Variants in AP1AR observed in about 807,000 individuals in gnomAD.
AP1AR encodes the protein AP-1 complex-associated regulatory protein.
A neutral mutation model predicts 46.3 loss-of-function variants in AP1AR; 29 were observed. The observed-to-expected ratio is 0.63, with a 90% CI of 0.47 to 0.85. The LOEUF is 0.85. AP1AR is among the 40% of genes least tolerant of loss of function. The pLI, the probability that AP1AR is intolerant of heterozygous loss-of-function variation, is 0.00. For missense variants in AP1AR, 357 were observed against 356.3 expected (o/e 1.00, Z -0.02); for synonymous variants, 122 against 122.9 (o/e 0.99, Z 0.05).
At chr4:112,256,518 A>AT (rs1275279629) in intron 3 of AP1AR, among the ~76,000 whole-genome samples, 5 of 152,052 alleles carry the variant, frequency 3.3e-5, no homozygotes, top group Non-Finnish European at 5.9e-5. Context: ...TTGGCTGAGG[A>AT]TTTTTTAATT....
In AP1AR at chr4:112,263,005, GA is replaced by G; in HGVS notation, c.302del (p.Lys101SerfsTer2). The G allele has an allele frequency of 6.2e-7, 1 of 1,613,728 alleles. No individual in the cohort carries two copies. The highest frequency in any genetic ancestry group is 8.5e-7 in the Non-Finnish European group (1 of 1,179,788). ...IQKELALQEEKLRLEEEALYA... is the reference protein window; with the variant it reads ...IQKELALQEEXLRLEEEALYA... ...ATGTACAGTTAGCCTTACAAGAAGA[GA>G]AGTTAAGACTAGAAGAAGAAGCTTT... On this transcript the variant is annotated frameshift_variant, in exon 6 of 10. Transcript: ENST00000274000. LOFTEE classifies it high-confidence loss of function.
chr4:112,242,451 A>AG (rs1358260583), intron 1 of AP1AR, among the ~76,000 whole-genome samples: 4 of 88,832 alleles, frequency 4.5e-5, no homozygotes, highest in Non-Finnish European at 8.0e-5. Context: ...AATTTATAAA[A>AG]GAAAAAAAAA....
chr4:112,261,851 TCC>T (rs1004599518), intron 5 of AP1AR, among the ~76,000 whole-genome samples: 15 of 151,628 alleles, frequency 9.9e-5, no homozygotes, highest in African/African-American at 3.6e-4. Flanking sequence ...GCACCTATAG[TCC>T]CAGCTACTAA....
chr4:112,253,028 A>G (rs1043320867), intron 1 of AP1AR, among the ~76,000 whole-genome samples, 180 bp from the exon 2 acceptor site: 3 of 152,206 alleles, frequency 2.0e-5, no homozygotes, highest in Admixed American at 6.5e-5. Context: ...GTCATAATGA[A>G]GTTTAAAAAT....
At chr4:112,266,507 A>G in intron 8 of AP1AR, 81 bp from the exon 9 acceptor site, 1 of 1,279,340 alleles carries the variant, frequency 7.8e-7, no homozygotes, top group Non-Finnish European at 1.1e-6. Flanking sequence ...ATTTAGAGAC[A>G]GATAATTGTT....
intron 7 of AP1AR, chr4:112,265,440 C>T: frequency 2.8e-6 from 1 of 360,210 alleles, no homozygotes; most frequent in Non-Finnish European, 4.9e-6. Flanking sequence ...GTCACATTTC[C>T]ACAAGTATCA....
In AP1AR at chr4:112,253,304, G is replaced by T. The variant is rs371566040; in HGVS notation, c.132+48G>T. On this transcript the variant is annotated intron_variant, in intron 2 of 9. Coordinates refer to ENST00000274000, the MANE Select transcript of AP1AR (RefSeq NM_018569.6). ...GAATTAAAAATGCCTTCAGAAAGGC[G>T]GAAGGGGCTTTTTGTTGTAAAGAGG... 6 of 1,420,380 alleles carry T rather than the reference G, an allele frequency of 4.2e-6. No homozygotes were observed. In the Admixed American group the frequency reaches 1.1e-4, roughly 26 times the overall value. The allele number at this position is 1,420,380 out of a possible 1,614,324, so 88.0% of individuals were successfully genotyped here.
intron 4 of AP1AR, 70 bp downstream of exon 4, chr4:112,257,867 GGC>G (rs1460556550): frequency 1.0e-5 from 14 of 1,341,702 alleles, no homozygotes; most frequent in Middle Eastern, 5.2e-4. Flanking sequence ...TAAGAAGTCA[GGC>G]TTTATCATTT....
At position 112,269,490 on chromosome 4, in the gene AP1AR, C is replaced by T; in HGVS notation, c.*1081C>T. On this transcript the variant is annotated 3_prime_UTR_variant, in exon 10 of 10. Coordinates refer to ENST00000274000, the MANE Select transcript of AP1AR (RefSeq NM_018569.6). ...ACAAGGCCAGGGATAGAAAACACTC[C>T]ATAATTGCTTTCCTTGATTTTGCTG... The T allele has an allele frequency of 6.6e-6, 1 of 152,414 alleles. No individual in the cohort carries two copies. Among genetic ancestry groups the T allele is most frequent in the East Asian group, 1.9e-4 (1 of 5,198 alleles). 9.4% of individuals were successfully genotyped at this position (152,414 alleles called of 1,614,324 possible).
chr4:112,266,631 C>T lies in AP1AR; in HGVS notation c.558C>T (p.Ser186=), dbSNP rs960042440. The T allele has an allele frequency of 1.9e-6, 3 of 1,610,764 alleles. No individual in the cohort carries two copies. Among genetic ancestry groups the T allele is most frequent in the Non-Finnish European group, 1.7e-6 (2 of 1,177,770 alleles). ...DATVLTPNTE[S]SCDLMTKTKS... ...CAGTTTTGACACCAAATACAGAAAG[C>T]AGTTGTGATTTAATGACCAAAACTA... Residue 186 remains serine (S), a synonymous_variant, in exon 9 of 10, where the codon AGC becomes AGT. Coordinates refer to ENST00000274000, the MANE Select transcript of AP1AR (RefSeq NM_018569.6).
In AP1AR at chr4:112,241,249, TAGTC is replaced by T. The variant is rs199781420; in HGVS notation, c.83+9078_83+9081del. ...ATATGATTATTATTACTACCTGTAT[TAGTC>T]AGGGTTCTCCAGAGAAATGGAACCA... On this transcript the variant is annotated intron_variant, in intron 1 of 9. Transcript: ENST00000274000. Among the ~76,000 whole-genome samples, 1,430 of 152,312 alleles carry T rather than the reference TAGTC, an allele frequency of 9.4e-3. 19 individuals are homozygous for T. The highest frequency in any genetic ancestry group is 0.032 in the African/African-American group (1,336 of 41,562).
intron 1 of AP1AR, among the ~76,000 whole-genome samples, chr4:112,248,866 C>G (rs1043038462): frequency 1.3e-5 from 2 of 152,174 alleles, no homozygotes; most frequent in African/African-American, 4.8e-5. Flanking sequence ...TGCCTCAGAG[C>G]GTTTGCTTTT....
chr4:112,255,342 GA>G (rs1243119299), intron 3 of AP1AR, among the ~76,000 whole-genome samples: 8 of 152,192 alleles, frequency 5.3e-5, no homozygotes, highest in Non-Finnish European at 1.2e-4. Flanking sequence ...AGGAACTTCA[GA>G]AAGTTGTATT....
chr4:112,269,523 G>T lies in AP1AR; in HGVS notation c.*1114G>T, dbSNP rs576625651. On this transcript the variant is annotated 3_prime_UTR_variant, in exon 10 of 10. Transcript: ENST00000274000. ...CTTTCCTTGATTTTGCTGAGGATTT[G>T]GTATGATTTTAGTAAGCAAACTGTT... The T allele has an allele frequency of 1.3e-5, 2 of 152,242 alleles. No individual in the cohort carries two copies. The highest frequency in any genetic ancestry group is 2.4e-5 in the African/African-American group (1 of 41,372). 9.4% of individuals were successfully genotyped at this position (152,242 alleles called of 1,614,324 possible).
At chr4:112,259,006 G>A (rs1726326829) in intron 4 of AP1AR, among the ~76,000 whole-genome samples, 1 of 152,120 alleles carries the variant, frequency 6.6e-6, no homozygotes, top group Non-Finnish European at 1.5e-5. Flanking sequence ...GCAAGGATCT[G>A]AGGATTGACT....
At chr4:112,264,617 G>A in intron 6 of AP1AR, among the ~76,000 whole-genome samples, 1 of 151,990 alleles carries the variant, frequency 6.6e-6, no homozygotes, top group East Asian at 1.9e-4. Flanking sequence ...ATCTGTTGTT[G>A]TATTGCTACT....
chr4:112,232,227 C>T (rs1398437216), intron 1 of AP1AR, 53 bp downstream of exon 1: 4 of 1,251,980 alleles, frequency 3.2e-6, no homozygotes, highest in East Asian at 6.3e-5. Flanking sequence ...TCTTCGGCCC[C>T]CGGCGGGGAA....
chr4:112,272,546 C>T lies in AP1AR; in HGVS notation c.*4137C>T, dbSNP rs1361620090. Among the ~76,000 whole-genome samples the T allele has an allele frequency of 2.0e-5, 3 of 152,094 alleles. No homozygotes were observed. Among genetic ancestry groups the T allele is most frequent in the African/African-American group, 7.2e-5 (3 of 41,400 alleles). Reference sequence around the variant, plus strand: ...GGCCCTTCCAGATACTGGCAAACCACTGCACATACAGGGAGGGAAGAGATG... The same window carrying T: ...GGCCCTTCCAGATACTGGCAAACCATTGCACATACAGGGAGGGAAGAGATG... On this transcript the variant is annotated 3_prime_UTR_variant, in exon 10 of 10. Coordinates refer to ENST00000274000, the MANE Select transcript of AP1AR (RefSeq NM_018569.6).
rs1282697128 is a variant in AP1AR, at chr4:112,263,094, G to A, written c.381+8G>A. The A allele has an allele frequency of 6.2e-7, 1 of 1,608,716 alleles. No homozygotes were observed. Among genetic ancestry groups the A allele is most frequent in the Non-Finnish European group, 8.5e-7 (1 of 1,176,476 alleles). On this transcript the variant is annotated splice_region_variant and intron_variant, in intron 6 of 9. Coordinates refer to ENST00000274000, the MANE Select transcript of AP1AR (RefSeq NM_018569.6). ...CAGCGAAAGCTCTTGGAGGTGAGGGGAAAAGACCCCAGCATATATTAGGGT... is the reference window on the plus strand; with the variant it reads ...CAGCGAAAGCTCTTGGAGGTGAGGGAAAAAGACCCCAGCATATATTAGGGT...
Sources: allele counts gnomAD v4.1 joint callset (sites outside exome capture counted in the v4.1 genomes callset), GRCh38; gene constraint gnomAD v4.1.1; transcripts MANE v1.5; gene names NCBI Gene and HGNC (gene_info 2026-07-23, HGNC 2026-07-21).